The following E2F6 variants were observed in gnomAD, a reference collection of about 807,000 sequenced individuals.
E2F6 encodes transcription factor E2F6.
In E2F6, 19 loss-of-function variants were observed where a neutral mutation model predicts 31.5. The ratio of observed to expected loss-of-function variants is 0.60; its 90% CI spans 0.42 to 0.89. E2F6 has a LOEUF of 0.89. Ranked by LOEUF, E2F6 falls within the 40% of genes least tolerant of loss-of-function variation. The pLI, the probability that E2F6 is intolerant of heterozygous loss-of-function variation, is 0.00. For missense variants in E2F6, 269 were observed against 341.6 expected, an observed-to-expected ratio of 0.79 and a Z score of 1.67; for synonymous variants, 121 against 127.7, an observed-to-expected ratio of 0.95 and a Z score of 0.36.
chr2:11,464,880 G>A (rs769467697), intron 1 of E2F6, among the ~76,000 whole-genome samples: 2 of 152,132 alleles, frequency 1.3e-5, no homozygotes, highest in Non-Finnish European at 2.9e-5. Flanking sequence ...TTGGGAAAAT[G>A]TTTAATTACT....
chr2:11,446,617 ACTT>A (rs1450091846), intron 6 of E2F6, 94 bp from the exon 7 acceptor site: 1 of 1,035,888 alleles, frequency 9.7e-7, no homozygotes, highest in Admixed American at 2.1e-5. Context: ...CAATCTGACT[ACTT>A]CAGAAAACCC....
intron 2 of E2F6, among the ~76,000 whole-genome samples, chr2:11,456,590 C>T (rs1312356682): frequency 6.6e-6 from 1 of 152,110 alleles, no homozygotes; most frequent in Non-Finnish European, 1.5e-5. Context: ...TAATGCAGTG[C>T]CAGGCACTGT....
At chr2:11,463,083 GT>G in intron 1 of E2F6, among the ~76,000 whole-genome samples, 1 of 152,188 alleles carries the variant, frequency 6.6e-6, no homozygotes, top group South Asian at 2.1e-4. Flanking sequence ...AAACTAAGTG[GT>G]TTTTCCACAG....
intron 5 of E2F6, 79 bp downstream of exon 5, chr2:11,449,933 T>C (rs1670957318): frequency 3.6e-6 from 4 of 1,120,462 alleles, no homozygotes; most frequent in South Asian, 1.4e-5. Flanking sequence ...GGCTCTTAAG[T>C]ATGACTGCAA....
At chr2:11,464,398 T>A (rs546006614) in intron 1 of E2F6, among the ~76,000 whole-genome samples, 2 of 150,826 alleles carry the variant, frequency 1.3e-5, no homozygotes, top group African/African-American at 4.9e-5. Flanking sequence ...GTGCCTGTAG[T>A]CCCAGCTACT....
In E2F6 at chr2:11,465,840, G is replaced by A. The variant is rs777641680; in HGVS notation, c.40C>T (p.Leu14Phe). Residue 14 changes from leucine (L) to phenylalanine (F), a missense_variant, in exon 1 of 7, where the codon CTC becomes TTC. Coordinates refer to ENST00000381525, the MANE Select transcript of E2F6 (RefSeq NM_198256.4). ...QRPARKLPSL[L>F]LDPTEETVRR... ...ACCGTCTCCTCCGTCGGGTCCAGGA[G>A]GAGACTGGGTAACTTCCTCGCCGGC... 11 of 1,590,290 alleles carry A rather than the reference G, an allele frequency of 6.9e-6. No individual in the cohort carries two copies. The Admixed American group carries it at 7.1e-5, about 10-fold the overall frequency.
chr2:11,452,260 T>A (rs1461608426), intron 3 of E2F6, among the ~76,000 whole-genome samples: 1 of 152,182 alleles, frequency 6.6e-6, no homozygotes, highest in Admixed American at 6.5e-5. Flanking sequence ...CTTTCCCTAG[T>A]GTACACATTC....
chr2:11,447,572 T>C, intron 6 of E2F6, 55 bp downstream of exon 6: 1 of 1,582,238 alleles, frequency 6.3e-7, no homozygotes, highest in Non-Finnish European at 8.6e-7. Context: ...TAATACACAT[T>C]AATAAAATTA....
intron 2 of E2F6, 123 bp downstream of exon 2, chr2:11,457,056 T>A: frequency 1.3e-6 from 1 of 771,722 alleles, no homozygotes; most frequent in East Asian, 2.7e-5. Flanking sequence ...CAACTTTACA[T>A]TTCAGTGTAC....
intron 1 of E2F6, among the ~76,000 whole-genome samples, chr2:11,463,597 G>A (rs1225025291): frequency 6.6e-6 from 1 of 152,116 alleles, no homozygotes; most frequent in Non-Finnish European, 1.5e-5. Context: ...GAAGTCATGG[G>A]AGGAGTGAAT....
chr2:11,453,549 C>A, intron 3 of E2F6, 33 bp downstream of exon 3: 2 of 1,603,814 alleles, frequency 1.2e-6, no homozygotes, highest in Non-Finnish European at 1.7e-6. Context: ...TGAGAAGGAA[C>A]AAAAGCCACG....
chr2:11,455,085 C>T (rs1410947496), intron 2 of E2F6, among the ~76,000 whole-genome samples: 1 of 152,148 alleles, frequency 6.6e-6, no homozygotes, highest in South Asian at 2.1e-4. Context: ...TGATATGTGC[C>T]GCTAAACTGC....
At chr2:11,459,720 T>C (rs1300749529) in intron 1 of E2F6, among the ~76,000 whole-genome samples, 2 of 151,872 alleles carry the variant, frequency 1.3e-5, no homozygotes, top group Non-Finnish European at 2.9e-5. Flanking sequence ...CCGTCTCTAC[T>C]AAAAATACAA....
chr2:11,458,749 T>A (rs1207791750), intron 1 of E2F6, among the ~76,000 whole-genome samples: 1 of 152,210 alleles, frequency 6.6e-6, no homozygotes, highest in Non-Finnish European at 1.5e-5. Context: ...TATGACAAGA[T>A]GATAGCATCT....
At chr2:11,459,720 TA>T (rs1248103619) in intron 1 of E2F6, among the ~76,000 whole-genome samples, 4 of 151,872 alleles carry the variant, frequency 2.6e-5, no homozygotes, top group African/African-American at 9.7e-5. Context: ...CCGTCTCTAC[TA>T]AAAATACAAA....
chr2:11,465,771 C>T lies in E2F6; in HGVS notation c.108+1G>A. 2 of 1,590,202 alleles carry T rather than the reference C, an allele frequency of 1.3e-6. No homozygotes were observed. Among genetic ancestry groups the T allele is most frequent in the Non-Finnish European group, 1.7e-6 (2 of 1,169,208 alleles). On this transcript the variant is annotated splice_donor_variant, in intron 1 of 6. Transcript: ENST00000381525. LOFTEE classifies it high-confidence loss of function. Reference sequence around the variant, plus strand: ...CGTCCCCGTCCCGTCCCGGAGCTTACCAGCAGGCCCTCCACGTTGATGGGG... The same window carrying T: ...CGTCCCCGTCCCGTCCCGGAGCTTATCAGCAGGCCCTCCACGTTGATGGGG...
intron 5 of E2F6, among the ~76,000 whole-genome samples, chr2:11,449,275 G>T (rs1399188682): frequency 1.3e-5 from 2 of 152,194 alleles, no homozygotes; most frequent in Non-Finnish European, 2.9e-5. Context: ...CACTTGAACA[G>T]TGGTCTGCTG....
chr2:11,456,175 A>G (rs1205837648), intron 2 of E2F6, among the ~76,000 whole-genome samples: 1 of 152,230 alleles, frequency 6.6e-6, no homozygotes, highest in Non-Finnish European at 1.5e-5. Context: ...GAAGTGGCTT[A>G]TGAATTTAAT....
At position 11,451,344 on chromosome 2, in the gene E2F6, CTAACT is replaced by C. The variant is rs1439142023; in HGVS notation, c.536+302_536+306del. Reference sequence around the variant, plus strand: ...AGGTTATACTACTACCAACTTTTACCTAACTTTTTTTTTTTTTTTTTTTGAGACGG... The same window carrying C: ...AGGTTATACTACTACCAACTTTTACCTTTTTTTTTTTTTTTTTTGAGACGG... On this transcript the variant is annotated intron_variant, in intron 4 of 6. Transcript: ENST00000381525. The C allele has an allele frequency of 1.4e-3, 159 of 113,742 alleles. 16 individuals carry two copies. Among genetic ancestry groups the C allele is most frequent in the Non-Finnish European group, 2.2e-3 (116 of 52,058 alleles). 7.0% of individuals were successfully genotyped at this position (113,742 alleles called of 1,614,324 possible).
Sources: allele counts gnomAD v4.1 joint callset (sites outside exome capture counted in the v4.1 genomes callset), GRCh38; gene constraint gnomAD v4.1.1; transcripts MANE v1.5; gene names NCBI Gene and HGNC (gene_info 2026-07-23, HGNC 2026-07-21).